The following CAMKMT variants were observed in gnomAD, a reference collection of about 807,000 sequenced individuals.
CAMKMT encodes the protein calmodulin-lysine N-methyltransferase, also known as CaM KMT.
Under a neutral mutation model 48.0 loss-of-function variants are expected in CAMKMT, and 53 were observed. The ratio of observed to expected loss-of-function variants is 1.10; its 90% CI spans 0.89 to 1.39. The LOEUF is 1.39. Ranked by LOEUF, CAMKMT falls within the 40% of genes most tolerant of loss-of-function variation. CAMKMT has a pLI of 0.00. For missense variants in CAMKMT, 428 were observed against 402.7 expected (o/e 1.06, Z -0.54); for synonymous variants, 165 against 152.3 (o/e 1.08, Z -0.61).
intron 3 of CAMKMT, among the ~76,000 whole-genome samples, chr2:44,593,052 T>G (rs747735297): frequency 1.4e-4 from 21 of 152,242 alleles, no homozygotes; most frequent in Non-Finnish European, 3.1e-4. Context: ...ATTCTTGAGT[T>G]TTGTTTTGTG....
At chr2:44,577,266 A>G (rs754325781) in intron 3 of CAMKMT, among the ~76,000 whole-genome samples, 48 of 152,230 alleles carry the variant, frequency 3.2e-4, no homozygotes, top group Non-Finnish European at 6.3e-4. Flanking sequence ...CTGGCATATT[A>G]ATTATTTTGA....
intron 3 of CAMKMT, among the ~76,000 whole-genome samples, chr2:44,621,717 G>A (rs1359005915): frequency 2.0e-5 from 3 of 152,180 alleles, no homozygotes; most frequent in Non-Finnish European, 2.9e-5. Context: ...GCAGAGTAAC[G>A]TGTGTGGATT....
intron 7 of CAMKMT, among the ~76,000 whole-genome samples, chr2:44,741,218 T>G (rs886680853): frequency 6.6e-6 from 1 of 152,218 alleles, no homozygotes; most frequent in Non-Finnish European, 1.5e-5. Flanking sequence ...ACAAACAAAG[T>G]CTGGTCCTCC....
chr2:44,420,308 A>G (rs908685443), intron 3 of CAMKMT, among the ~76,000 whole-genome samples: 1 of 152,096 alleles, frequency 6.6e-6, no homozygotes, highest in South Asian at 2.1e-4. Context: ...TTGCTTTCAT[A>G]TTGTTTTTAT....
intron 7 of CAMKMT, among the ~76,000 whole-genome samples, chr2:44,727,249 G>A (rs2104334828): frequency 6.6e-6 from 1 of 152,298 alleles, no homozygotes; most frequent in Non-Finnish European, 1.5e-5. Context: ...TCTCATCCAT[G>A]AGCCTGGAAT....
At chr2:44,503,858 G>A (rs1670123270) in intron 3 of CAMKMT, among the ~76,000 whole-genome samples, 1 of 152,034 alleles carries the variant, frequency 6.6e-6, no homozygotes, top group Non-Finnish European at 1.5e-5. Flanking sequence ...TTCTTGCTGA[G>A]TTCGTCTCCT....
chr2:44,659,804 A>G (rs1237594183), intron 3 of CAMKMT, among the ~76,000 whole-genome samples: 1 of 152,152 alleles, frequency 6.6e-6, no homozygotes, highest in Non-Finnish European at 1.5e-5. Flanking sequence ...ACTCATCTAT[A>G]GAGTTATTTC....
intron 7 of CAMKMT, among the ~76,000 whole-genome samples, chr2:44,740,123 CAT>C (rs1491368817): frequency 3.8e-5 from 5 of 130,060 alleles, no homozygotes; most frequent in South Asian, 2.8e-4. Context: ...CTGATTGCTG[CAT>C]TTTTTTTTTT....
intron 3 of CAMKMT, among the ~76,000 whole-genome samples, chr2:44,584,000 C>G (rs1242467524): frequency 6.6e-6 from 1 of 152,130 alleles, no homozygotes; most frequent in Non-Finnish European, 1.5e-5. Flanking sequence ...ATTCAACATA[C>G]AGGATATTTA....
At chr2:44,681,369 G>A (rs537667590) in intron 3 of CAMKMT, among the ~76,000 whole-genome samples, 1 of 152,160 alleles carries the variant, frequency 6.6e-6, no homozygotes, top group African/African-American at 2.4e-5. Context: ...ATCCCCTACC[G>A]CTCATAGCTG....
rs140381038 is a variant in CAMKMT, at chr2:44,429,484, C to T, written c.376+39179C>T. Among the ~76,000 whole-genome samples, 47 of 152,162 alleles carry T rather than the reference C, an allele frequency of 3.1e-4. No individual in the cohort carries two copies. The East Asian group carries it at 4.4e-3, about 14-fold the overall frequency. On this transcript the variant is annotated intron_variant, in intron 3 of 10. Coordinates refer to ENST00000378494, the MANE Select transcript of CAMKMT (RefSeq NM_024766.5). ...TCATACTTACTTCAACATCATTTAA[C>T]ATAATGGAGCTACTAATGACTCTTC...
At chr2:44,576,336 A>G (rs1669218625) in intron 3 of CAMKMT, among the ~76,000 whole-genome samples, 1 of 151,694 alleles carries the variant, frequency 6.6e-6, no homozygotes, top group African/African-American at 2.4e-5. Flanking sequence ...CTAAAAAAAA[A>G]AAAAAAAAAA....
In CAMKMT at chr2:44,653,392, C is replaced by G. The variant is rs1192692547; in HGVS notation, c.377-50891C>G. Among the ~76,000 whole-genome samples the G allele has an allele frequency of 6.6e-6, 1 of 152,098 alleles. No homozygotes were observed. Among genetic ancestry groups the G allele is most frequent in the Non-Finnish European group, 1.5e-5 (1 of 68,030 alleles). ...AAGTGCCATTTGCTGTAAAAATCAA[C>G]CAAAAGAGAATCGCAGACTTTTAGA... On this transcript the variant is annotated intron_variant, in intron 3 of 10. Transcript: ENST00000378494. The surrounding 1 kb of genome is among the most constrained non-coding windows in gnomAD (Gnocchi z 5.2).
chr2:44,651,277 AC>A (rs1476367169), intron 3 of CAMKMT, among the ~76,000 whole-genome samples: 1 of 152,258 alleles, frequency 6.6e-6, no homozygotes, highest in African/African-American at 2.4e-5. Context: ...CAATCTAGTT[AC>A]CTGAAAGTAG....
chr2:44,555,499 G>C (rs1236315728), intron 3 of CAMKMT, among the ~76,000 whole-genome samples: 3 of 152,132 alleles, frequency 2.0e-5, no homozygotes, highest in African/African-American at 7.2e-5. Flanking sequence ...AGTGGAGCCT[G>C]TGGGACAGTT....
intron 3 of CAMKMT, among the ~76,000 whole-genome samples, chr2:44,461,233 A>ACT (rs2104619490): frequency 1.3e-5 from 2 of 152,290 alleles, no homozygotes; most frequent in African/African-American, 4.8e-5. Context: ...TGTAATCCAG[A>ACT]CTGACATCTC....
At chr2:44,400,081 T>A (rs996347567) in intron 3 of CAMKMT, among the ~76,000 whole-genome samples, 5 of 152,206 alleles carry the variant, frequency 3.3e-5, no homozygotes, top group African/African-American at 1.2e-4. Flanking sequence ...CATTGATTCA[T>A]TTGAATCCCA....
rs576811841 is a variant in CAMKMT, at chr2:44,658,872, T to C, written c.377-45411T>C. On this transcript the variant is annotated intron_variant, in intron 3 of 10. Transcript: ENST00000378494. ...CTGCTCTACTCTTTACTTGGACTGC[T>C]AGCAAACATGGAGCTAAGTACTCAT... Among the ~76,000 whole-genome samples the C allele has an allele frequency of 2.0e-5, 3 of 152,276 alleles. No homozygotes were observed. In the South Asian group the frequency reaches 6.2e-4, roughly 32 times the overall value.
At chr2:44,444,083 T>C (rs1666837995) in intron 3 of CAMKMT, among the ~76,000 whole-genome samples, 1 of 152,150 alleles carries the variant, frequency 6.6e-6, no homozygotes, top group Admixed American at 6.6e-5. Context: ...AGTAAGAAGA[T>C]ATGTTGCGTA....
Sources: allele counts gnomAD v4.1 joint callset (sites outside exome capture counted in the v4.1 genomes callset), GRCh38; gene constraint gnomAD v4.1.1; non-coding constraint Gnocchi (gnomAD v3.1); transcripts MANE v1.5; gene names NCBI Gene and HGNC (gene_info 2026-07-23, HGNC 2026-07-21).